Variants in PLXNB2 observed in about 807,000 individuals in gnomAD.
The protein encoded by PLXNB2 is plexin B2.
A neutral mutation model predicts 202.6 loss-of-function variants in PLXNB2; 85 were observed. That is an observed-to-expected ratio of 0.42 (90% CI 0.35 to 0.50). PLXNB2 has a LOEUF of 0.50. PLXNB2 is among the 20% of genes least tolerant of loss of function. PLXNB2 has a pLI of 0.02. For missense variants in PLXNB2, 2,063 were observed against 2,586.2 expected (o/e 0.80, Z 4.39); for synonymous variants, 1,239 against 1,137.6 (o/e 1.09, Z -1.79).
At chr22:50,277,349 A>G (rs1569155886) in intron 33 of PLXNB2, among the ~76,000 whole-genome samples, 1 of 151,780 alleles carries the variant, frequency 6.6e-6, no homozygotes, top group Non-Finnish European at 1.5e-5. Flanking sequence ...AGTAAAACTC[A>G]GTTTCTCTGC....
In PLXNB2 at chr22:50,297,434, GTC is replaced by G. The variant is rs2067361069; in HGVS notation, c.-73-2658_-73-2657del. Among the ~76,000 whole-genome samples the G allele has an allele frequency of 6.6e-6, 1 of 152,152 alleles. No homozygotes were observed. The highest frequency in any genetic ancestry group is 6.5e-5 in the Admixed American group (1 of 15,280). ...ACTCTCCTGGAGGAGGCTTTCTGCC[GTC>G]CTCTTCCCTGGCCCTCACCGTGGAG... On this transcript the variant is annotated intron_variant, in intron 1 of 36. Coordinates refer to ENST00000359337, the MANE Select transcript of PLXNB2 (RefSeq NM_012401.4). This position sits in a 1 kb window ranked among gnomAD's most constrained non-coding sequence, Gnocchi z 5.3.
At chr22:50,299,925 C>G (rs2067566265) in intron 1 of PLXNB2, among the ~76,000 whole-genome samples, 1 of 152,156 alleles carries the variant, frequency 6.6e-6, no homozygotes, top group Non-Finnish European at 1.5e-5. Context: ...CCCCCGGCGC[C>G]GGCACCGCCA....
At chr22:50,296,589 T>A (rs377550301) in intron 1 of PLXNB2, among the ~76,000 whole-genome samples, 1,999 of 48,078 alleles carry the variant, frequency 0.042, 65 homozygotes, top group African/African-American at 0.18. Context: ...AGACTCTGTC[T>A]CAAAAAAAAA....
Position 50,297,673 on chromosome 22 carries a change from G to T in PLXNB2, c.-73-2895C>A. On this transcript the variant is annotated intron_variant, in intron 1 of 36. Coordinates refer to ENST00000359337, the MANE Select transcript of PLXNB2 (RefSeq NM_012401.4). The surrounding 1 kb of genome is among the most constrained non-coding windows in gnomAD (Gnocchi z 5.3). Reference sequence around the variant, plus strand: ...GAAAAAGGAGTTTCTTCCTTAGGTGGCTGTGGTCACACCTGACGCTGCTGC... The same window carrying T: ...GAAAAAGGAGTTTCTTCCTTAGGTGTCTGTGGTCACACCTGACGCTGCTGC... 6.6e-6 allele frequency among the ~76,000 whole-genome samples: 1 copy of T among 152,154 alleles called. No individual in the cohort carries two copies. The highest frequency in any genetic ancestry group is 1.9e-4 in the East Asian group (1 of 5,194).
chr22:50,289,463 C>G lies in PLXNB2; in HGVS notation c.1068+54G>C. The G allele has an allele frequency of 6.6e-7, 1 of 1,514,226 alleles. No homozygotes were observed. The highest frequency in any genetic ancestry group is 8.9e-7 in the Non-Finnish European group (1 of 1,127,824). 93.8% of individuals were successfully genotyped at this position (1,514,226 alleles called of 1,614,324 possible). ...CCCCAGCAGGCTGGGACACGCAAAC[C>G]CACGAACGGACGCCTGCAGTCCGGG... On this transcript the variant is annotated intron_variant, in intron 3 of 36. Transcript: ENST00000359337. The surrounding 1 kb of genome is among the most constrained non-coding windows in gnomAD (Gnocchi z 8.0).
chr22:50,290,833 G>A (rs1008756045), intron 2 of PLXNB2, among the ~76,000 whole-genome samples: 5 of 152,174 alleles, frequency 3.3e-5, no homozygotes, highest in African/African-American at 9.7e-5. Context: ...TGGGGCCAAG[G>A]CACTGCCATC....
chr22:50,307,136 CG>C (rs1224350280), intron 1 of PLXNB2, among the ~76,000 whole-genome samples: 1 of 152,108 alleles, frequency 6.6e-6, no homozygotes, highest in Non-Finnish European at 1.5e-5. Flanking sequence ...CCAGGGGGTG[CG>C]GGGACGGCCC....
rs1437710944 is a variant in PLXNB2, at chr22:50,288,819, T to G, written c.1304A>C (p.Glu435Ala). The G allele has an allele frequency of 6.2e-7, 1 of 1,613,348 alleles. No individual in the cohort carries two copies. The highest frequency in any genetic ancestry group is 1.7e-5 in the Admixed American group (1 of 60,016). ...GTCGCGCTTGACTCTCTTGTTTATC[T>G]CCACAAGGATAGAGTCGTACTCTGA... ...TSSEYDSILVEINKRVKRDLV... is the reference protein window; with the variant it reads ...TSSEYDSILVAINKRVKRDLV... Residue 435 changes from glutamate (E) to alanine (A), a missense_variant, in exon 5 of 37, where the codon GAG becomes GCG. Around this residue, in one of 2 missense-constraint regions of PLXNB2, gnomAD observed 1,303 missense variants for 1,476.8 expected, o/e 0.88. Coordinates refer to ENST00000359337, the MANE Select transcript of PLXNB2 (RefSeq NM_012401.4). This position sits in a 1 kb window ranked among gnomAD's most constrained non-coding sequence, Gnocchi z 5.0.
In PLXNB2 at chr22:50,284,443, G is replaced by A. The variant is rs562811596; in HGVS notation, c.2181+130C>T. The A allele has an allele frequency of 2.9e-4, 223 of 769,550 alleles. No homozygotes were observed. The highest frequency in any genetic ancestry group is 1.3e-3 in the African/African-American group (77 of 58,300). The allele number at this position is 769,550 out of a possible 1,614,324, so 47.7% of individuals were successfully genotyped here. ...CTTCCCCAGCAGCACAGGGCATGGC[G>A]AGCCCCTGGCTGGGCTCTGGTCCCT... On this transcript the variant is annotated intron_variant, in intron 12 of 36. Transcript: ENST00000359337. This position sits in a 1 kb window ranked among gnomAD's most constrained non-coding sequence, Gnocchi z 8.0.
At chr22:50,287,042 G>C (rs753577202) in intron 8 of PLXNB2, 69 bp downstream of exon 8, 1 of 1,392,596 alleles carries the variant, frequency 7.2e-7, no homozygotes, top group South Asian at 1.5e-5. Flanking sequence ...CAGCAGAGGC[G>C]AGAGCCCGTG....
At chr22:50,302,716 G>T (rs28714287) in intron 1 of PLXNB2, among the ~76,000 whole-genome samples, 1 of 145,646 alleles carries the variant, frequency 6.9e-6, no homozygotes, top group African/African-American at 2.5e-5. Context: ...GAGAGGGAGT[G>T]GGGGGGGCCA....
chr22:50,292,733 G>A (rs201425402), intron 2 of PLXNB2, among the ~76,000 whole-genome samples: 32 of 152,126 alleles, frequency 2.1e-4, no homozygotes, highest in African/African-American at 7.7e-4. Context: ...CCACCTGCCC[G>A]TGGCAACCCC....
rs1293070001 is a variant in PLXNB2 at position 50,291,750 on chromosome 22, CCCT to C, written c.-13-1156_-13-1154del. On this transcript the variant is annotated intron_variant, in intron 2 of 36. Coordinates refer to ENST00000359337, the MANE Select transcript of PLXNB2 (RefSeq NM_012401.4). The surrounding 1 kb of genome is among the most constrained non-coding windows in gnomAD (Gnocchi z 4.3). ...TACATCAGCCTCCCCTGCCAGTGCC[CCCT>C]CCTCATGCTCACAACCACCCCCACT... is the stretch of plus-strand genomic sequence containing the variant. Among the ~76,000 whole-genome samples, 1 of 152,146 alleles carries C rather than the reference CCCT, an allele frequency of 6.6e-6. No homozygotes were observed. The highest frequency in any genetic ancestry group is 1.5e-5 in the Non-Finnish European group (1 of 68,010).
At chr22:50,282,547 G>T in intron 18 of PLXNB2, 164 bp downstream of exon 18, 2 of 668,004 alleles carry the variant, frequency 3.0e-6, no homozygotes, top group Non-Finnish European at 2.5e-6. Flanking sequence ...GCCCATCTGG[G>T]TTTCTAGGAG....
Position 50,288,177 on chromosome 22 carries a change from A to G in PLXNB2, c.1381-140T>C. On this transcript the variant is annotated intron_variant, in intron 5 of 36. Transcript: ENST00000359337. This position sits in a 1 kb window ranked among gnomAD's most constrained non-coding sequence, Gnocchi z 5.0. ...CCTCAGACACCTCAGGCTTGATATT[A>G]AACAGTTCTGGCTCTGGGTGGCCAT... The G allele has an allele frequency of 1.5e-6, 1 of 645,172 alleles. No individual in the cohort carries two copies. The highest frequency in any genetic ancestry group is 2.7e-6 in the Non-Finnish European group (1 of 372,460). The allele number at this position is 645,172 out of a possible 1,614,324, so 40.0% of individuals were successfully genotyped here. A position where few individuals can be genotyped will look rare whatever the true frequency, so the allele number is the denominator to read the frequency against.
intron 7 of PLXNB2, 78 bp from the exon 8 acceptor site, chr22:50,287,342 CGT>C (rs1296957809): frequency 2.8e-6 from 4 of 1,406,616 alleles, no homozygotes; most frequent in Admixed American, 2.8e-5. Flanking sequence ...GACCTCCCTG[CGT>C]GTGTGGGCGC....
intron 34 of PLXNB2, 51 bp downstream of exon 34, chr22:50,276,790 AG>A: frequency 2.5e-6 from 4 of 1,589,928 alleles, no homozygotes; most frequent in Non-Finnish European, 3.4e-6. Flanking sequence ...ACCTCCCCGC[AG>A]GGGGTCGAGG....
rs182367182 is a variant in PLXNB2 at position 50,298,074 on chromosome 22, C to T, written c.-73-3296G>A. 3.5e-3 allele frequency among the ~76,000 whole-genome samples: 526 copies of T among 152,348 alleles called. 2 individuals carry two copies. The highest frequency in any genetic ancestry group is 4.6e-3 in the Non-Finnish European group (315 of 68,028). ...CCCCGACAGGCCCCGGCTGCCCCGCCGCCCTGCCCCAACAAGTCCAAACAC... is the reference window on the plus strand; with the variant it reads ...CCCCGACAGGCCCCGGCTGCCCCGCTGCCCTGCCCCAACAAGTCCAAACAC... On this transcript the variant is annotated intron_variant, in intron 1 of 36. Transcript: ENST00000359337.
In PLXNB2 at chr22:50,290,218, G is replaced by A. The variant is rs1307927339; in HGVS notation, c.367C>T (p.Arg123Cys). The change falls in exon 3 of 37, where the codon CGC (arginine) becomes TGC (cysteine). Residue 123 changes from arginine (R) to cysteine (C), a missense_variant. Coordinates refer to ENST00000359337, the MANE Select transcript of PLXNB2 (RefSeq NM_012401.4). ...CGGAGGGAGATGTTGCTCAGGGCGC[G>A]CAGAGCGCAGATGCCCTTGAAGAGG... is the stretch of plus-strand genomic sequence containing the variant. ...GSLFKGICAL[R>C]ALSNISLRLF... The A allele has an allele frequency of 1.9e-6, 3 of 1,611,964 alleles. No individual in the cohort carries two copies. Among genetic ancestry groups the A allele is most frequent in the Non-Finnish European group, 2.5e-6 (3 of 1,180,010 alleles).
Sources: allele counts gnomAD v4.1 joint callset (sites outside exome capture counted in the v4.1 genomes callset), GRCh38; gene constraint gnomAD v4.1.1; regional missense constraint gnomAD v4.1.1; non-coding constraint Gnocchi (gnomAD v3.1); transcripts MANE v1.5; gene names NCBI Gene and HGNC (gene_info 2026-07-23, HGNC 2026-07-21).